RSRP1: variants seen among roughly 807,000 people sequenced by gnomAD.
RSRP1 encodes arginine/serine-rich protein 1.
A neutral mutation model predicts 33.0 loss-of-function variants in RSRP1; 37 were observed. The observed-to-expected ratio is 1.12, with a 90% CI of 0.86 to 1.48. RSRP1 has a LOEUF of 1.48. Ranked by LOEUF, RSRP1 falls within the 40% of genes most tolerant of loss-of-function variation. RSRP1 has a pLI of 0.00. For missense variants in RSRP1, 402 were observed against 385.3 expected, an observed-to-expected ratio of 1.04 and a Z score of -0.36; for synonymous variants, 167 against 158.7, an observed-to-expected ratio of 1.05 and a Z score of -0.40.
chr1:25,261,454 G>C (rs1374882381), intron 1 of RSRP1, among the ~76,000 whole-genome samples: 1 of 150,774 alleles, frequency 6.6e-6, no homozygotes, highest in Non-Finnish European at 1.5e-5. Context: ...ACCCAGGCTG[G>C]AGTGCAGTGG....
chr1:25,279,056 G>A (rs1442492660), intron 1 of RSRP1, among the ~76,000 whole-genome samples: 2 of 129,828 alleles, frequency 1.5e-5, no homozygotes, highest in East Asian at 3.9e-4. Flanking sequence ...GGGAGGGGGC[G>A]CAGATCCAGA....
At chr1:25,270,626 AC>A (rs1213643647) in intron 1 of RSRP1, among the ~76,000 whole-genome samples, 1 of 131,504 alleles carries the variant, frequency 7.6e-6, no homozygotes, top group Admixed American at 7.4e-5. Context: ...AAGCTTGGGG[AC>A]CCCTGATCTA....
At chr1:25,330,492 TGTGA>T (rs993975788) in intron 1 of RSRP1, 8 of 133,342 alleles carry the variant, frequency 6.0e-5, no homozygotes, top group African/African-American at 1.8e-4. Context: ...AAAATGTGAC[TGTGA>T]ATTAATTTTT....
chr1:25,328,720 A>G (rs1644909015), intron 1 of RSRP1, among the ~76,000 whole-genome samples: 2 of 21,432 alleles, frequency 9.3e-5, no homozygotes, highest in Non-Finnish European at 2.5e-4. Flanking sequence ...ATTTATCAAC[A>G]ATCCATGTAA....
chr1:25,321,784 T>C, intron 1 of RSRP1: 1 of 588,962 alleles, frequency 1.7e-6, no homozygotes, highest in South Asian at 1.8e-5. Flanking sequence ...AGAAAAAGGA[T>C]TTCTGTTGAG....
At chr1:25,306,564 G>A (rs1557548413) in intron 1 of RSRP1, 2 of 1,373,978 alleles carry the variant, frequency 1.5e-6, no homozygotes, top group South Asian at 2.4e-5. Flanking sequence ...GGTCTCACCT[G>A]CCAATCTGCT....
At chr1:25,280,804 T>C (rs1182750798) in intron 1 of RSRP1, among the ~76,000 whole-genome samples, 2 of 130,904 alleles carry the variant, frequency 1.5e-5, no homozygotes, top group African/African-American at 5.2e-5. Context: ...AGAGACAAGG[T>C]CTTGCTATGT....
rs1553148988 is a variant in RSRP1, at chr1:25,321,674, T to TGAATAAAATAAAATAAAATA, written c.-67+16303_-67+16304insTATTTTATTTTATTTTATTC. Among the ~76,000 whole-genome samples, 9 of 91,228 alleles carry TGAATAAAATAAAATAAAATA rather than the reference T, an allele frequency of 9.9e-5. 4 individuals carry two copies. The highest frequency in any genetic ancestry group is 2.4e-4 in the Non-Finnish European group (9 of 37,596). The allele number at this position is 91,228 out of a possible 152,430, so 59.8% of individuals were successfully genotyped here. A position where few individuals can be genotyped will look rare whatever the true frequency, so the allele number is the denominator to read the frequency against. On this transcript the variant is annotated intron_variant, in intron 1 of 1. Coordinates refer to the RSRP1 transcript ENST00000561867. ...GATAGAGTGAGACTCTGTCTCAAAA[T>TGAATAAAATAAAATAAAATA]AAATAAAATAAAATAAAATAAAATA... is the stretch of plus-strand genomic sequence containing the variant.
rs1356118220 is a variant in RSRP1, at chr1:25,277,213, A to G, written c.-66-30184T>C. ...CCAAAGCTAGGAGACTCAAGGCTGT[A>G]TGACATCCTGAGCAAGTGAGGGGTG... On this transcript the variant is annotated intron_variant, in intron 1 of 1. Transcript: ENST00000561867. Among the ~76,000 whole-genome samples, 2 of 132,626 alleles carry G rather than the reference A, an allele frequency of 1.5e-5. 1 individual carries two copies. The highest frequency in any genetic ancestry group is 3.6e-5 in the Non-Finnish European group (2 of 55,818). 87.0% of individuals were successfully genotyped at this position (132,626 alleles called of 152,430 possible).
chr1:25,332,132 G>A lies in RSRP1; in HGVS notation c.-67+5846C>T, dbSNP rs181236483. Among the ~76,000 whole-genome samples the A allele has an allele frequency of 1.1e-3, 138 of 123,094 alleles. 14 individuals are homozygous for A. Among genetic ancestry groups the A allele is most frequent in the African/African-American group, 3.6e-3 (131 of 36,172 alleles). The allele number at this position is 123,094 out of a possible 152,430, so 80.8% of individuals were successfully genotyped here. A position where few individuals can be genotyped will look rare whatever the true frequency, so the allele number is the denominator to read the frequency against. ...TTTGGCTCACTGCAACCTCTACCATGTTCAAGCGATTCTCCCACCTCTGCC... is the reference window on the plus strand; with the variant it reads ...TTTGGCTCACTGCAACCTCTACCATATTCAAGCGATTCTCCCACCTCTGCC... On this transcript the variant is annotated intron_variant, in intron 1 of 1. Coordinates refer to the RSRP1 transcript ENST00000561867.
upstream of RSRP1, among the ~76,000 whole-genome samples, chr1:25,249,696 G>A (rs924433986): frequency 2.6e-5 from 4 of 152,144 alleles, no homozygotes; most frequent in Admixed American, 2.0e-4. Context: ...CTTTGCCCTC[G>A]TGCAGAATGC....
chr1:25,295,384 G>C (rs548604013), intron 1 of RSRP1, among the ~76,000 whole-genome samples: 1 of 110,024 alleles, frequency 9.1e-6, no homozygotes, highest in Non-Finnish European at 2.2e-5. Flanking sequence ...GACAGTGCCT[G>C]GCATGGGGTA....
In RSRP1 at chr1:25,246,737, C is replaced by T; in HGVS notation, c.227G>A (p.Arg76His). ...GCTCCGCGAGTATGACCGCGAGTAGCGCCTGTACTTCCGCTGGTGGCGCCT... is the reference window on the plus strand; with the variant it reads ...GCTCCGCGAGTATGACCGCGAGTAGTGCCTGTACTTCCGCTGGTGGCGCCT... ...SRRRHQRKYR[R>H]YSRSYSRSRS... is the part of the protein sequence containing the mutation. Residue 76 changes from arginine to histidine, a missense_variant, in exon 2 of 5, where the codon CGC becomes CAC. Physicochemically the swap from Arg to His is conservative, Grantham distance 29. Transcript: ENST00000243189. 6.2e-7 allele frequency: 1 copy of T among 1,608,744 alleles called. No homozygotes were observed. Among genetic ancestry groups the T allele is most frequent in the Non-Finnish European group, 8.5e-7 (1 of 1,176,244 alleles).
At chr1:25,312,913 C>T (rs1349619108) in intron 1 of RSRP1, among the ~76,000 whole-genome samples, 2 of 10,238 alleles carry the variant, frequency 2.0e-4, no homozygotes, top group Non-Finnish European at 3.5e-4. Context: ...GAGCAAAATC[C>T]CATCTCTAAA....
In RSRP1 at chr1:25,329,408, A is replaced by AT. The variant is rs1230970431; in HGVS notation, c.-67+8569dup. On this transcript the variant is annotated intron_variant, in intron 1 of 1. Coordinates refer to the RSRP1 transcript ENST00000561867. Reference sequence around the variant, plus strand: ...TACAGGCACCCACCACATCTGGCTAATTTTTTGTATTTTTAGTAAAGATGG... The same window carrying AT: ...TACAGGCACCCACCACATCTGGCTAATTTTTTTGTATTTTTAGTAAAGATGG... 6 of 256,252 alleles carry AT rather than the reference A, an allele frequency of 2.3e-5. 1 individual carries two copies. The highest frequency in any genetic ancestry group is 4.1e-5 in the Non-Finnish European group (5 of 123,094). 15.9% of individuals were successfully genotyped at this position (256,252 alleles called of 1,614,324 possible). A position where few individuals can be genotyped will look rare whatever the true frequency, so the allele number is the denominator to read the frequency against.
At chr1:25,249,315 G>T (rs754594917), upstream of RSRP1, among the ~76,000 whole-genome samples, 1 of 152,080 alleles carries the variant, frequency 6.6e-6, no homozygotes, top group Non-Finnish European at 1.5e-5. Context: ...GTCAATGTGT[G>T]CCTAAAAAAT....
intron 1 of RSRP1, among the ~76,000 whole-genome samples, chr1:25,258,813 T>C (rs1303897249): frequency 6.6e-6 from 1 of 152,236 alleles, no homozygotes; most frequent in Non-Finnish European, 1.5e-5. Flanking sequence ...ACTGCATTTG[T>C]ACTCTTATAA....
At chr1:25,246,331 T>A (rs1164064011) in intron 2 of RSRP1, 113 bp downstream of exon 2, 9 of 1,479,892 alleles carry the variant, frequency 6.1e-6, no homozygotes, top group Non-Finnish European at 8.2e-6. Flanking sequence ...CCAAAAAGAT[T>A]TCGGGCACTA....
In RSRP1 at chr1:25,323,529, G is replaced by A. The variant is rs4303115; in HGVS notation, c.-67+14449C>T. ...ACCGTAATGCAGTGGCACCATCATG[G>A]CTCACTGTAGCCTCAACCTCCCCAG... is the stretch of plus-strand genomic sequence containing the variant. On this transcript the variant is annotated intron_variant, in intron 1 of 1. Coordinates refer to the RSRP1 transcript ENST00000561867. Among the ~76,000 whole-genome samples the A allele has an allele frequency of 1.4e-3, 181 of 126,604 alleles. 3 individuals carry two copies. The highest frequency in any genetic ancestry group is 1.7e-3 in the African/African-American group (63 of 36,636). The allele number at this position is 126,604 out of a possible 152,430, so 83.1% of individuals were successfully genotyped here. A position where few individuals can be genotyped will look rare whatever the true frequency, so the allele number is the denominator to read the frequency against.
Sources: gnomAD v4.1 joint callset for allele counts (sites outside exome capture counted in the v4.1 genomes callset) on GRCh38, gnomAD v4.1.1 for gene constraint, MANE v1.5 for transcripts, NCBI Gene and HGNC (gene_info 2026-07-23, HGNC 2026-07-21) for gene names.